CLSTN1: variants seen among roughly 807,000 people sequenced by gnomAD.
CLSTN1 encodes calsyntenin 1, also known as calsyntenin-1.
A neutral mutation model predicts 108.3 loss-of-function variants in CLSTN1; 28 were observed. The ratio of observed to expected loss-of-function variants is 0.26; its 90% confidence interval spans 0.19 to 0.35. The LOEUF is 0.35. Ranked by LOEUF, CLSTN1 falls within the 10% of genes least tolerant of loss-of-function variation. The probability of loss-of-function intolerance (pLI) is 1.00; values close to 1 mark genes in which losing one functional copy is unlikely to be tolerated. For synonymous variants in CLSTN1, 524 were observed against 534.9 expected, an observed-to-expected ratio of 0.98 and a Z score of 0.28; for missense variants, 1,157 against 1,302.6, an observed-to-expected ratio of 0.89 and a Z score of 1.72.
At chr1:9,765,900 A>G (rs1351235194) in intron 2 of CLSTN1, among the ~76,000 whole-genome samples, 2 of 152,076 alleles carry the variant, frequency 1.3e-5, no homozygotes, top group African/African-American at 2.4e-5. Flanking sequence ...AATTTCATGC[A>G]GGTCAACCAA....
At chr1:9,802,686 G>A (rs1570512356) in intron 1 of CLSTN1, among the ~76,000 whole-genome samples, 1 of 152,078 alleles carries the variant, frequency 6.6e-6, no homozygotes, top group Non-Finnish European at 1.5e-5. Flanking sequence ...TCTGAACTAC[G>A]AAAATATCAC....
intron 1 of CLSTN1, among the ~76,000 whole-genome samples, chr1:9,805,754 C>A (rs934893207): frequency 6.6e-6 from 1 of 150,990 alleles, no homozygotes; most frequent in South Asian, 2.1e-4. Context: ...ATAGTCCCAG[C>A]TACTCAGGAG....
Position 9,773,346 on chromosome 1 carries a change from G to C in CLSTN1, c.140C>G (p.Thr47Arg). The C allele has an allele frequency of 1.2e-6, 2 of 1,614,140 alleles. No individual in the cohort carries two copies. The highest frequency in any genetic ancestry group is 1.7e-6 in the Non-Finnish European group (2 of 1,180,002). Residue 47 changes from threonine to arginine, a missense_variant, in exon 2 of 19, where the codon ACA becomes AGA. By Grantham distance (71) the Thr-to-Arg change is moderately conservative. Transcript: ENST00000377298. The stretch of plus-strand genomic sequence containing the variant: ...GAGGAGCACGGTGTTGTCGTTCTCT[G>C]TGACTATGCCGTGGTAGGTGGGCTC... ...WLEPTYHGIV[T>R]ENDNTVLLDP...
chr1:9,740,918 T>C (rs920923048), intron 10 of CLSTN1, among the ~76,000 whole-genome samples, 176 bp downstream of exon 10: 2 of 152,066 alleles, frequency 1.3e-5, no homozygotes, highest in Admixed American at 1.3e-4. Context: ...AGAGCTATGC[T>C]AGCTAGAGTG....
chr1:9,742,331 A>C (rs1651025631), intron 9 of CLSTN1, among the ~76,000 whole-genome samples: 1 of 152,164 alleles, frequency 6.6e-6, no homozygotes, highest in Non-Finnish European at 1.5e-5. Context: ...CTTGAAAATT[A>C]TTAACTAACG....
intron 1 of CLSTN1, among the ~76,000 whole-genome samples, chr1:9,789,399 T>C (rs543395254): frequency 2.6e-4 from 39 of 151,574 alleles, no homozygotes; most frequent in African/African-American, 9.4e-4. Flanking sequence ...CCAAACATGC[T>C]TTATATCAAG....
intron 2 of CLSTN1, among the ~76,000 whole-genome samples, chr1:9,767,746 G>T (rs1652415944): frequency 6.6e-6 from 1 of 152,074 alleles, no homozygotes; most frequent in Admixed American, 6.6e-5. Flanking sequence ...TCCAGGTCTA[G>T]CCTCTGTCTT....
intron 1 of CLSTN1, among the ~76,000 whole-genome samples, chr1:9,806,955 C>G (rs1374227968): frequency 6.6e-6 from 1 of 151,946 alleles, no homozygotes; most frequent in East Asian, 1.9e-4. Flanking sequence ...AGTCTTTTTA[C>G]CTTACTTTCA....
chr1:9,815,283 C>T (rs946279), intron 1 of CLSTN1, among the ~76,000 whole-genome samples: 132,433 of 151,968 alleles, frequency 0.87, 58,214 homozygotes, highest in East Asian at 0.95. Flanking sequence ...AAGAGCCCCA[C>T]AGCAGCAGAG....
intron 7 of CLSTN1, 51 bp downstream of exon 7, chr1:9,749,410 C>T (rs751422484): frequency 9.9e-6 from 15 of 1,512,246 alleles, no homozygotes; most frequent in Middle Eastern, 1.8e-4. Flanking sequence ...GTAAAGGTCC[C>T]TCCCACCTTC....
chr1:9,765,065 T>TA (rs1413749336), intron 2 of CLSTN1, among the ~76,000 whole-genome samples: 1 of 150,906 alleles, frequency 6.6e-6, no homozygotes, highest in Non-Finnish European at 1.5e-5. Context: ...TGAAATGTCA[T>TA]TTTTTTTTCA....
chr1:9,738,311 T>A (rs1650797823), intron 10 of CLSTN1, among the ~76,000 whole-genome samples: 1 of 151,774 alleles, frequency 6.6e-6, no homozygotes, highest in South Asian at 2.1e-4. Flanking sequence ...GAACCAACAC[T>A]CTCCAGGTCA....
chr1:9,733,093 A>G (rs1434363512), intron 16 of CLSTN1, among the ~76,000 whole-genome samples: 1 of 152,206 alleles, frequency 6.6e-6, no homozygotes, highest in Non-Finnish European at 1.5e-5. Context: ...GAAGCCCCAG[A>G]GGCATTAACT....
rs749591999 is a variant in CLSTN1 at position 9,731,905 on chromosome 1, GAGA to G, written c.2428-12_2428-10del. Reference sequence around the variant, plus strand: ...GTGTGGATTACATTCACCTATAGCAGAGAAAGAGAGGATCGCTGGAGACAGGCA... The same window carrying G: ...GTGTGGATTACATTCACCTATAGCAGAAGAGAGGATCGCTGGAGACAGGCA... On this transcript the variant is annotated splice_polypyrimidine_tract_variant and intron_variant, in intron 16 of 18. Coordinates refer to ENST00000377298, the MANE Select transcript of CLSTN1 (RefSeq NM_001009566.3). The G allele has an allele frequency of 6.2e-7, 1 of 1,614,146 alleles. No individual in the cohort carries two copies. The highest frequency in any genetic ancestry group is 1.3e-5 in the African/African-American group (1 of 75,048).
chr1:9,773,654 A>G (rs557854636), intron 1 of CLSTN1, among the ~76,000 whole-genome samples: 20 of 151,214 alleles, frequency 1.3e-4, no homozygotes, highest in East Asian at 9.7e-4. Flanking sequence ...AAATCAAGGG[A>G]AAAAAAAAGA....
At chr1:9,773,088 C>G (rs111821574) in intron 2 of CLSTN1, among the ~76,000 whole-genome samples, 184 bp downstream of exon 2, 1 of 152,098 alleles carries the variant, frequency 6.6e-6, no homozygotes, top group African/African-American at 2.4e-5. Context: ...ACTATAAGAA[C>G]AGGCCTTTTT....
chr1:9,745,505 A>C (rs1651214782), intron 7 of CLSTN1, among the ~76,000 whole-genome samples: 1 of 151,726 alleles, frequency 6.6e-6, no homozygotes, highest in Admixed American at 6.6e-5. Flanking sequence ...AAAAACACAA[A>C]AATTAGCCAG....
At chr1:9,753,804 G>A (rs1188267639) in intron 4 of CLSTN1, among the ~76,000 whole-genome samples, 1 of 151,984 alleles carries the variant, frequency 6.6e-6, no homozygotes, top group Non-Finnish European at 1.5e-5. Context: ...ACCGTGCCTG[G>A]CCAATTTTTG....
chr1:9,811,719 T>A (rs1333689821), intron 1 of CLSTN1, among the ~76,000 whole-genome samples: 1 of 140,856 alleles, frequency 7.1e-6, no homozygotes, highest in Non-Finnish European at 1.5e-5. Flanking sequence ...GACAAATGCT[T>A]GAAATGCATG....
Sources: gnomAD v4.1 joint callset for allele counts (sites outside exome capture counted in the v4.1 genomes callset) on GRCh38, gnomAD v4.1.1 for gene constraint, MANE v1.5 for transcripts, NCBI Gene and HGNC (gene_info 2026-07-23, HGNC 2026-07-21) for gene names.